PPARA: variants seen among roughly 807,000 people sequenced by gnomAD.
PPARA encodes peroxisome proliferator activated receptor alpha, also known as peroxisome proliferator-activated receptor alpha.
Under a neutral mutation model 42.2 loss-of-function variants are expected in PPARA, and 22 were observed. The ratio of observed to expected loss-of-function variants is 0.52; its 90% CI spans 0.37 to 0.74. The LOEUF is 0.74. Among genes scored for constraint, PPARA ranks in the 30% least tolerant of loss-of-function variants. PPARA has a pLI of 0.00. For missense variants in PPARA, 465 were observed against 608.2 expected, an observed-to-expected ratio of 0.76 and a Z score of 2.48; for synonymous variants, 242 against 239.3, an observed-to-expected ratio of 1.01 and a Z score of -0.10.
rs926308885 is a variant in PPARA at position 46,204,011 on chromosome 22, G to GTGCCTCCC, written c.208+5430_208+5437dup. Reference sequence around the variant, plus strand: ...TTCTAATTCCTCTTTCCCCAGCCCCGTGCCTCCCTGCCTCCCTCCCCCAGT... The same window carrying GTGCCTCCC: ...TTCTAATTCCTCTTTCCCCAGCCCCGTGCCTCCCTGCCTCCCTGCCTCCCTCCCCCAGT... On this transcript the variant is annotated intron_variant, in intron 4 of 8. Transcript: ENST00000407236. The surrounding 1 kb of genome is among the most constrained non-coding windows in gnomAD (Gnocchi z 5.2). 6.6e-6 allele frequency among the ~76,000 whole-genome samples: 1 copy of GTGCCTCCC among 152,044 alleles called. No homozygotes were observed. The highest frequency in any genetic ancestry group is 1.5e-5 in the Non-Finnish European group (1 of 68,016).
chr22:46,164,707 C>G (rs577477873), intron 2 of PPARA: 7 of 150,812 alleles, frequency 4.6e-5, no homozygotes, highest in African/African-American at 1.7e-4. Flanking sequence ...TGAAGCCTTC[C>G]TCTCCACTTA....
At position 46,180,574 on chromosome 22, in the gene PPARA, C is replaced by T. The variant is rs1023391340; in HGVS notation, c.-43+3738C>T. On this transcript the variant is annotated intron_variant, in intron 3 of 8. Coordinates refer to ENST00000407236, the MANE Select transcript of PPARA (RefSeq NM_005036.6). This position sits in a 1 kb window ranked among gnomAD's most constrained non-coding sequence, Gnocchi z 4.2. The stretch of plus-strand genomic sequence containing the variant: ...AACATGTTTTTCTTAAGATGTAAGG[C>T]ATGTCACAAGAATATCACAAGATGA... Among the ~76,000 whole-genome samples, 5 of 152,196 alleles carry T rather than the reference C, an allele frequency of 3.3e-5. No individual in the cohort carries two copies. The highest frequency in any genetic ancestry group is 1.3e-4 in the Admixed American group (2 of 15,272).
In PPARA at chr22:46,232,091, G is replaced by T; in HGVS notation, c.1011G>T (p.Gly337=). Residue 337 remains glycine, a synonymous_variant, in exon 8 of 9, where the codon GGG becomes GGT. Transcript: ENST00000407236. The surrounding 1 kb of genome is among the most constrained non-coding windows in gnomAD (Gnocchi z 5.3). ...GGATGCTGGTAGCGTATGGAAATGG[G>T]TTTATAACTCGTGAATTCCTAAAAA... The part of the protein sequence containing the change: ...KDGMLVAYGN[G]FITREFLKSL... 2 of 1,614,206 alleles carry T rather than the reference G, an allele frequency of 1.2e-6. No homozygotes were observed. The highest frequency in any genetic ancestry group is 8.5e-7 in the Non-Finnish European group (1 of 1,180,044).
chr22:46,158,381 A>G (rs940062865), intron 2 of PPARA, among the ~76,000 whole-genome samples: 1 of 151,442 alleles, frequency 6.6e-6, no homozygotes, highest in South Asian at 2.1e-4. Context: ...CACATCTCAG[A>G]AAAAAAAAGA....
rs1255770354 is a variant in PPARA at position 46,240,168 on chromosome 22, C to G, written c.*4788C>G. 1 of 398,738 alleles carries G rather than the reference C, an allele frequency of 2.5e-6. No homozygotes were observed. Among genetic ancestry groups the G allele is most frequent in the Non-Finnish European group, 4.4e-6 (1 of 226,174 alleles). 24.7% of individuals were successfully genotyped at this position (398,738 alleles called of 1,614,324 possible). On this transcript the variant is annotated 3_prime_UTR_variant, in exon 9 of 9. Coordinates refer to ENST00000407236, the MANE Select transcript of PPARA (RefSeq NM_005036.6). The surrounding 1 kb of genome is among the most constrained non-coding windows in gnomAD (Gnocchi z 6.0). ...ATGCAGATGCCACCAGGAGAACATG[C>G]CCACAGCTCACCACCTATGGATGCC...
At chr22:46,179,409 C>G (rs2147252143) in intron 3 of PPARA, among the ~76,000 whole-genome samples, 1 of 152,206 alleles carries the variant, frequency 6.6e-6, no homozygotes, top group African/African-American at 2.4e-5. Flanking sequence ...ACATTCATTT[C>G]TAACTTAAAA....
rs542670020 is a variant in PPARA, at chr22:46,153,411, C to T, written c.-127+1441C>T. 1.5e-3 allele frequency among the ~76,000 whole-genome samples: 227 copies of T among 152,038 alleles called. 3 individuals are homozygous for T. Among genetic ancestry groups the T allele is most frequent in the Non-Finnish European group, 2.5e-3 (168 of 67,964 alleles). ...CTCAAACTCCTGACCTCAGGTGAAC[C>T]GCCTGCCTTGGCCTCCCAAAGGGCT... On this transcript the variant is annotated intron_variant, in intron 2 of 8. Transcript: ENST00000407236.
Position 46,200,784 on chromosome 22 carries a change from G to A in PPARA, c.208+2193G>A, listed in dbSNP as rs1932796984. Among the ~76,000 whole-genome samples the A allele has an allele frequency of 6.6e-6, 1 of 151,786 alleles. No individual in the cohort carries two copies. The highest frequency in any genetic ancestry group is 2.1e-4 in the South Asian group (1 of 4,830). ...ATACAAAACATTAGCTGGGAGTGGTGGCAGGTGCCTGTAATCCCAGCTACT... is the reference window on the plus strand; with the variant it reads ...ATACAAAACATTAGCTGGGAGTGGTAGCAGGTGCCTGTAATCCCAGCTACT... On this transcript the variant is annotated intron_variant, in intron 4 of 8. Transcript: ENST00000407236. The surrounding 1 kb of genome is among the most constrained non-coding windows in gnomAD (Gnocchi z 4.8).
rs912729060 is a variant in PPARA, at chr22:46,183,584, A to G, written c.-43+6748A>G. On this transcript the variant is annotated intron_variant, in intron 3 of 8. Transcript: ENST00000407236. This position sits in a 1 kb window ranked among gnomAD's most constrained non-coding sequence, Gnocchi z 5.5. The stretch of plus-strand genomic sequence containing the variant: ...TGGCGAAACCCTGTCTATACAAAAA[A>G]TAGAAAAATTAGCCAGGCATGGTGG... Among the ~76,000 whole-genome samples the G allele has an allele frequency of 6.6e-6, 1 of 152,150 alleles. No individual in the cohort carries two copies. Among genetic ancestry groups the G allele is most frequent in the Non-Finnish European group, 1.5e-5 (1 of 68,034 alleles).
Position 46,232,288 on chromosome 22 carries a change from G to C in PPARA, c.1159+49G>C. On this transcript the variant is annotated intron_variant, in intron 8 of 8. Coordinates refer to ENST00000407236, the MANE Select transcript of PPARA (RefSeq NM_005036.6). This position sits in a 1 kb window ranked among gnomAD's most constrained non-coding sequence, Gnocchi z 5.3. ...GGTATCATGTCACTGACAGGCTCCTGTCTTGAAAAATTTGACAATGGGAAA... is the reference window on the plus strand; with the variant it reads ...GGTATCATGTCACTGACAGGCTCCTCTCTTGAAAAATTTGACAATGGGAAA... 2.5e-6 allele frequency: 4 copies of C among 1,595,728 alleles called. No homozygotes were observed. Among genetic ancestry groups the C allele is most frequent in the Non-Finnish European group, 3.4e-6 (4 of 1,164,114 alleles).
At chr22:46,154,474 C>A (rs1924952567) in intron 2 of PPARA, among the ~76,000 whole-genome samples, 1 of 151,928 alleles carries the variant, frequency 6.6e-6, no homozygotes, top group Non-Finnish European at 1.5e-5. Flanking sequence ...AAAAATTAGC[C>A]AGGTATAGTG....
chr22:46,163,999 TGAGGTCAG>T lies in PPARA; in HGVS notation c.-127+12033_-127+12040del, dbSNP rs1164721383. On this transcript the variant is annotated intron_variant, in intron 2 of 8. Transcript: ENST00000407236. This position sits in a 1 kb window ranked among gnomAD's most constrained non-coding sequence, Gnocchi z 4.9. Reference sequence around the variant, plus strand: ...GGGAGGCTGAGGCGGGCGGATCACATGAGGTCAGGAGTTCAAGACCAGCCTGGCCAACA... The same window carrying T: ...GGGAGGCTGAGGCGGGCGGATCACATGAGTTCAAGACCAGCCTGGCCAACA... 1 of 152,118 alleles carries T rather than the reference TGAGGTCAG, an allele frequency of 6.6e-6. No individual in the cohort carries two copies. Among genetic ancestry groups the T allele is most frequent in the African/African-American group, 2.4e-5 (1 of 41,398 alleles). The allele number at this position is 152,118 out of a possible 1,614,324, so 9.4% of individuals were successfully genotyped here.
chr22:46,204,868 T>C lies in PPARA; in HGVS notation c.208+6277T>C, dbSNP rs924923487. On this transcript the variant is annotated intron_variant, in intron 4 of 8. Coordinates refer to ENST00000407236, the MANE Select transcript of PPARA (RefSeq NM_005036.6). The surrounding 1 kb of genome is among the most constrained non-coding windows in gnomAD (Gnocchi z 5.2). Reference sequence around the variant, plus strand: ...AAAAAAAGAAAAAAGATTGTTTTGTTTGTTTTGTTTTGTTTTTGAGATAGG... The same window carrying C: ...AAAAAAAGAAAAAAGATTGTTTTGTCTGTTTTGTTTTGTTTTTGAGATAGG... Among the ~76,000 whole-genome samples the C allele has an allele frequency of 3.9e-5, 6 of 151,930 alleles. No homozygotes were observed. Among genetic ancestry groups the C allele is most frequent in the African/African-American group, 1.5e-4 (6 of 41,372 alleles).
At chr22:46,159,547 G>A (rs1925838983) in intron 2 of PPARA, among the ~76,000 whole-genome samples, 1 of 152,134 alleles carries the variant, frequency 6.6e-6, no homozygotes, top group Non-Finnish European at 1.5e-5. Flanking sequence ...AGTTTAGAAC[G>A]CGATTTTCAT....
At position 46,230,111 on chromosome 22, in the gene PPARA, C is replaced by T. The variant is rs144796840; in HGVS notation, c.712-1681C>T. ...TGTAGGCCGGGCGCGGTGGCTCACCCCTGTAATCCCAGCACTTTGGGAGGC... is the reference window on the plus strand; with the variant it reads ...TGTAGGCCGGGCGCGGTGGCTCACCTCTGTAATCCCAGCACTTTGGGAGGC... On this transcript the variant is annotated intron_variant, in intron 7 of 8. Transcript: ENST00000407236. The surrounding 1 kb of genome is among the most constrained non-coding windows in gnomAD (Gnocchi z 5.0). Among the ~76,000 whole-genome samples, 124 of 152,332 alleles carry T rather than the reference C, an allele frequency of 8.1e-4. No homozygotes were observed. The East Asian group carries it at 0.02, about 24-fold the overall frequency.
chr22:46,159,159 T>C (rs138165940), intron 2 of PPARA, among the ~76,000 whole-genome samples: 1 of 151,650 alleles, frequency 6.6e-6, no homozygotes, highest in East Asian at 1.9e-4. Flanking sequence ...CCCTAAGTAC[T>C]GGGATTACAG....
chr22:46,235,098 C>T lies in PPARA; in HGVS notation c.1160-35C>T, dbSNP rs1936129786. On this transcript the variant is annotated intron_variant, in intron 8 of 8. Coordinates refer to ENST00000407236, the MANE Select transcript of PPARA (RefSeq NM_005036.6). The surrounding 1 kb of genome is among the most constrained non-coding windows in gnomAD (Gnocchi z 7.0). ...TGATAAGCAGTTCTTGGGTGATTAT[C>T]ACACTCAAACCTCTCTCTCTTCTTT... 1.2e-6 allele frequency: 2 copies of T among 1,613,540 alleles called. No homozygotes were observed. The highest frequency in any genetic ancestry group is 1.7e-5 in the Admixed American group (1 of 59,982).
At position 46,221,593 on chromosome 22, in the gene PPARA, A is replaced by G. The variant is rs183017967; in HGVS notation, c.711+1579A>G. Among the ~76,000 whole-genome samples, 110 of 152,126 alleles carry G rather than the reference A, an allele frequency of 7.2e-4. 1 individual carries two copies. The East Asian group carries it at 0.02, about 28-fold the overall frequency. On this transcript the variant is annotated intron_variant, in intron 7 of 8. Coordinates refer to ENST00000407236, the MANE Select transcript of PPARA (RefSeq NM_005036.6). This position sits in a 1 kb window ranked among gnomAD's most constrained non-coding sequence, Gnocchi z 5.9. ...GACAGGCGGATCACGAGGTCAGGAGATCAAGACCATCCTGGCTAACATGGT... is the reference window on the plus strand; with the variant it reads ...GACAGGCGGATCACGAGGTCAGGAGGTCAAGACCATCCTGGCTAACATGGT...
intron 4 of PPARA, among the ~76,000 whole-genome samples, chr22:46,202,292 C>T (rs1932878212): frequency 6.6e-6 from 1 of 152,164 alleles, no homozygotes; most frequent in South Asian, 2.1e-4. Context: ...TTGTCAAGAA[C>T]TATAATCTAA....
Sources: gnomAD v4.1 joint callset for allele counts (sites outside exome capture counted in the v4.1 genomes callset) on GRCh38, gnomAD v4.1.1 for gene constraint, Gnocchi (gnomAD v3.1) non-coding constraint, MANE v1.5 for transcripts, NCBI Gene and HGNC (gene_info 2026-07-23, HGNC 2026-07-21) for gene names.